CRB1: variants seen among roughly 807,000 people sequenced by gnomAD.
CRB1 encodes crumbs cell polarity complex component 1, also known as protein crumbs homolog 1.
CRB1 carries 83 observed loss-of-function variants against 120.0 expected under a neutral mutation model. The ratio of observed to expected loss-of-function variants is 0.69; its 90% CI spans 0.58 to 0.83. The LOEUF (loss-of-function observed/expected upper bound fraction) is 0.83, where lower values mean the gene tolerates loss of function less well. CRB1 is among the 40% of genes least tolerant of loss of function. The pLI is 0.00. For missense variants in CRB1, 1,699 were observed against 1,687.6 expected, an observed-to-expected ratio of 1.01 and a Z score of -0.12; for synonymous variants, 625 against 612.5, an observed-to-expected ratio of 1.02 and a Z score of -0.30.
At chr1:197,336,684 A>G (rs925200162) in intron 2 of CRB1, among the ~76,000 whole-genome samples, 10 of 152,216 alleles carry the variant, frequency 6.6e-5, no homozygotes, top group African/African-American at 2.4e-4. Flanking sequence ...TGCACTGGGC[A>G]TTGTGCGGAC....
intron 11 of CRB1, chr1:197,447,485 G>A (rs969132349): frequency 2.6e-5 from 4 of 152,198 alleles, no homozygotes; most frequent in African/African-American, 7.2e-5. Flanking sequence ...CACTGAAAGC[G>A]AGAGGGGCAC....
chr1:197,291,331 C>T (rs1656167831), intron 1 of CRB1, among the ~76,000 whole-genome samples: 1 of 151,758 alleles, frequency 6.6e-6, no homozygotes, highest in Non-Finnish European at 1.5e-5. Flanking sequence ...GGATAATAAA[C>T]ATACGGCACT....
At chr1:197,321,305 A>G (rs924174387) in intron 1 of CRB1, among the ~76,000 whole-genome samples, 12 of 152,258 alleles carry the variant, frequency 7.9e-5, no homozygotes, top group African/African-American at 2.9e-4. Context: ...ATGGCATTGT[A>G]GTTGTTGTGC....
At chr1:197,267,822 G>A (rs1483081242), upstream of CRB1, among the ~76,000 whole-genome samples, 1 of 152,106 alleles carries the variant, frequency 6.6e-6, no homozygotes, top group Non-Finnish European at 1.5e-5. Flanking sequence ...GCCCCTGAAT[G>A]ATCTTCAGAA....
intron 5 of CRB1, among the ~76,000 whole-genome samples, chr1:197,405,628 T>G (rs1663325506): frequency 1.4e-5 from 2 of 147,952 alleles, no homozygotes; most frequent in Admixed American, 6.7e-5. Flanking sequence ...ATCTAGGAAG[T>G]GAGGAGTGTC....
chr1:197,376,126 C>T (rs1661633938), intron 5 of CRB1, among the ~76,000 whole-genome samples: 1 of 152,148 alleles, frequency 6.6e-6, no homozygotes, highest in Non-Finnish European at 1.5e-5. Context: ...AGCATATCCT[C>T]TATTTTCTAG....
chr1:197,238,390 TCAATATTGTAGA>T, the CRB1 span, among the ~76,000 whole-genome samples: 2 of 152,216 alleles, frequency 1.3e-5, no homozygotes, highest in African/African-American at 4.8e-5. Context: ...TATGCTTATC[TCAATATTGTAGA>T]CAATATTGCT....
chr1:197,223,317 C>A, the CRB1 span: 1 of 640,498 alleles, frequency 1.6e-6, no homozygotes, highest in Non-Finnish European at 2.8e-6. Context: ...TAAAATATAT[C>A]ATACATTGTG....
intron 1 of CRB1, among the ~76,000 whole-genome samples, chr1:197,269,232 T>A (rs560026919): frequency 8.5e-5 from 13 of 152,246 alleles, no homozygotes; most frequent in African/African-American, 3.1e-4. Flanking sequence ...GCCATGTGAT[T>A]TGTGTCTGTT....
At chr1:197,352,435 G>A (rs1374849846) in intron 4 of CRB1, among the ~76,000 whole-genome samples, 1 of 152,132 alleles carries the variant, frequency 6.6e-6, no homozygotes, top group Admixed American at 6.5e-5. Context: ...TGTGTGTCTC[G>A]AGTCTTAGAA....
chr1:197,347,284 G>A (rs1390187754), intron 3 of CRB1, 56 bp from the exon 4 acceptor site: 1 of 1,487,564 alleles, frequency 6.7e-7, no homozygotes, highest in East Asian at 2.3e-5. Context: ...ACAGTATAAA[G>A]ATATCTGATC....
chr1:197,290,131 A>T (rs1656082988), intron 1 of CRB1, among the ~76,000 whole-genome samples: 1 of 151,726 alleles, frequency 6.6e-6, no homozygotes, highest in Admixed American at 6.6e-5. Context: ...TTTTAAAAAC[A>T]TTTGTTGTAT....
intron 1 of CRB1, among the ~76,000 whole-genome samples, chr1:197,308,418 C>T (rs908294675): frequency 6.6e-6 from 1 of 152,012 alleles, no homozygotes; most frequent in Non-Finnish European, 1.5e-5. Flanking sequence ...TGTATCTAAA[C>T]TAAAAGTTAA....
intron 10 of CRB1, chr1:197,440,337 AT>A (rs1464915325): frequency 6.6e-6 from 1 of 152,222 alleles, no homozygotes; most frequent in Non-Finnish European, 1.5e-5. Context: ...TATATTTGAC[AT>A]TTAAATTCAG....
At chr1:197,303,365 G>T (rs1656988977) in intron 1 of CRB1, among the ~76,000 whole-genome samples, 1 of 138,736 alleles carries the variant, frequency 7.2e-6, no homozygotes, top group Non-Finnish European at 1.5e-5. Flanking sequence ...TCCCACCTAT[G>T]AGTGAGAATA....
rs1163772162 is a variant in CRB1, at chr1:197,438,539, C to G, written c.3750-8C>G. The G allele has an allele frequency of 1.2e-6, 2 of 1,611,642 alleles. No homozygotes were observed. The highest frequency in any genetic ancestry group is 2.2e-5 in the East Asian group (1 of 44,830). ...GAACAGCTGTGGCTCTTGCTTTTAT[C>G]TCTCTAGACAGAGCAGATTACCCTC... On this transcript the variant is annotated splice_region_variant and splice_polypyrimidine_tract_variant and intron_variant, in intron 9 of 11. Coordinates refer to ENST00000367400, the MANE Select transcript of CRB1 (RefSeq NM_201253.3).
chr1:197,240,172 T>G, the CRB1 span, among the ~76,000 whole-genome samples: 10 of 152,252 alleles, frequency 6.6e-5, no homozygotes, highest in Non-Finnish European at 2.9e-5. Flanking sequence ...TCTTTCTTTA[T>G]TTGATGTTCC....
intron 1 of CRB1, among the ~76,000 whole-genome samples, chr1:197,312,533 G>A (rs1164583371): frequency 2.0e-5 from 3 of 152,192 alleles, no homozygotes; most frequent in Non-Finnish European, 4.4e-5. Flanking sequence ...AGTGAGTCGA[G>A]ATGGCACCAC....
At chr1:197,256,933 G>C in the CRB1 span, among the ~76,000 whole-genome samples, 359 of 5,076 alleles carry the variant, frequency 0.071, 4 homozygotes, top group African/African-American at 0.12. Flanking sequence ...TAGGATTTGC[G>C]TGTGTGTGTG....
Sources: gnomAD v4.1 joint callset for allele counts (sites outside exome capture counted in the v4.1 genomes callset) on GRCh38, gnomAD v4.1.1 for gene constraint, MANE v1.5 for transcripts, NCBI Gene and HGNC (gene_info 2026-07-23, HGNC 2026-07-21) for gene names.